Variants in SLC5A10 observed in about 807,000 individuals in gnomAD.
The protein encoded by SLC5A10 is solute carrier family 5 member 10.
In SLC5A10, 55 loss-of-function variants were observed where a neutral mutation model predicts 68.9. The ratio of observed to expected loss-of-function variants is 0.80; its 90% CI spans 0.64 to 1.00. The LOEUF is 1.00. SLC5A10 is among the 50% of genes least tolerant of loss of function. The pLI is 0.00. For synonymous variants in SLC5A10, 344 were observed against 344.8 expected, an observed-to-expected ratio of 1.00 and a Z score of 0.02; for missense variants, 732 against 819.3, an observed-to-expected ratio of 0.89 and a Z score of 1.30.
chr17:18,970,560 C>T, intron 7 of SLC5A10: 1 of 183,662 alleles, frequency 5.4e-6, no homozygotes, highest in Non-Finnish European at 1.2e-5. Context: ...TCACCACCAG[C>T]CACTCTCAGC....
rs1462113751 is a variant in SLC5A10 at position 19,003,509 on chromosome 17, C to A, written c.983-9901C>A. 1 of 1,520,706 alleles carries A rather than the reference C, an allele frequency of 6.6e-7. No homozygotes were observed. The highest frequency in any genetic ancestry group is 8.8e-7 in the Non-Finnish European group (1 of 1,133,308). 94.2% of individuals were successfully genotyped at this position (1,520,706 alleles called of 1,614,324 possible). On this transcript the variant is annotated intron_variant, in intron 9 of 14. Coordinates refer to ENST00000395645, the MANE Select transcript of SLC5A10 (RefSeq NM_001042450.4). The surrounding 1 kb of genome is among the most constrained non-coding windows in gnomAD (Gnocchi z 4.5). The stretch of plus-strand genomic sequence containing the variant: ...TGGGCCATGGCTCCAGGAGTCCCCG[C>A]GCTGCCTCACCTTCTGTGCCTGGCT...
chr17:19,000,164 G>A lies in SLC5A10; in HGVS notation c.983-13246G>A, dbSNP rs1215602817. 2.0e-5 allele frequency among the ~76,000 whole-genome samples: 3 copies of A among 152,234 alleles called. No individual in the cohort carries two copies. Among genetic ancestry groups the A allele is most frequent in the Admixed American group, 2.0e-4 (3 of 15,288 alleles). The stretch of plus-strand genomic sequence containing the variant: ...TTTCCCAGATAAATCATGGCTCCTG[G>A]GGCTAGGGGAGGGGCAGGCAGTTGA... On this transcript the variant is annotated intron_variant, in intron 9 of 14. Coordinates refer to ENST00000395645, the MANE Select transcript of SLC5A10 (RefSeq NM_001042450.4). The surrounding 1 kb of genome is among the most constrained non-coding windows in gnomAD (Gnocchi z 5.2).
chr17:18,952,561 A>G, intron 1 of SLC5A10: 1 of 437,484 alleles, frequency 2.3e-6, no homozygotes, highest in East Asian at 4.6e-5. Context: ...TCTAACAGGT[A>G]ACTGGGCTTT....
chr17:18,995,222 T>G (rs2043533492), intron 9 of SLC5A10, among the ~76,000 whole-genome samples: 1 of 152,102 alleles, frequency 6.6e-6, no homozygotes, highest in Admixed American at 6.6e-5. Flanking sequence ...AACTGGCAGA[T>G]AAAGACATAA....
At chr17:19,002,438 G>A (rs989397314) in intron 9 of SLC5A10, among the ~76,000 whole-genome samples, 1 of 152,196 alleles carries the variant, frequency 6.6e-6, no homozygotes, top group African/African-American at 2.4e-5. Flanking sequence ...ACTTCCCCAA[G>A]GCCCTGTCAG....
At chr17:18,979,724 C>G (rs1334159587) in intron 9 of SLC5A10, 1 of 1,606,194 alleles carries the variant, frequency 6.2e-7, no homozygotes, top group African/African-American at 1.3e-5. Flanking sequence ...CCTGACCACA[C>G]AGGGCGAGGG....
chr17:18,970,083 T>C (rs1368878455), intron 7 of SLC5A10: 1 of 152,262 alleles, frequency 6.6e-6, no homozygotes, highest in Admixed American at 6.5e-5. Context: ...ACTTGTTCAT[T>C]TGCTCTGAGC....
intron 9 of SLC5A10, among the ~76,000 whole-genome samples, chr17:18,984,724 G>T (rs1409521026): frequency 6.6e-6 from 1 of 152,234 alleles, no homozygotes; most frequent in East Asian, 1.9e-4. Flanking sequence ...GTTGGCCTGG[G>T]AGCATCCCTC....
intron 9 of SLC5A10, among the ~76,000 whole-genome samples, chr17:18,986,789 C>A (rs1174035057): frequency 2.0e-5 from 3 of 152,314 alleles, no homozygotes; most frequent in East Asian, 3.9e-4. Flanking sequence ...GGCAGGGGTA[C>A]GGTGCTGGTG....
At chr17:19,014,256 A>G (rs2044082822) in intron 10 of SLC5A10, among the ~76,000 whole-genome samples, 1 of 152,180 alleles carries the variant, frequency 6.6e-6, no homozygotes, top group Non-Finnish European at 1.5e-5. Context: ...GGAGGCGACC[A>G]GCCTGAAGCC....
chr17:18,971,385 C>T lies in SLC5A10; in HGVS notation c.846+167C>T. ...TAGGGGTCTTTGCGGTCCCGGGGGG[C>T]TTGAGCCCTCCGTTTAGAATCCGAT... is the stretch of plus-strand genomic sequence containing the variant. On this transcript the variant is annotated intron_variant, in intron 8 of 14. Coordinates refer to ENST00000395645, the MANE Select transcript of SLC5A10 (RefSeq NM_001042450.4). The surrounding 1 kb of genome is among the most constrained non-coding windows in gnomAD (Gnocchi z 5.5). The T allele has an allele frequency of 6.2e-7, 1 of 1,613,322 alleles. No homozygotes were observed. Among genetic ancestry groups the T allele is most frequent in the Non-Finnish European group, 8.5e-7 (1 of 1,179,844 alleles).
chr17:19,000,381 C>T lies in SLC5A10; in HGVS notation c.983-13029C>T, dbSNP rs2083565543. Among the ~76,000 whole-genome samples the T allele has an allele frequency of 6.6e-6, 1 of 152,134 alleles. No individual in the cohort carries two copies. The highest frequency in any genetic ancestry group is 1.5e-5 in the Non-Finnish European group (1 of 68,032). On this transcript the variant is annotated intron_variant, in intron 9 of 14. Coordinates refer to ENST00000395645, the MANE Select transcript of SLC5A10 (RefSeq NM_001042450.4). The surrounding 1 kb of genome is among the most constrained non-coding windows in gnomAD (Gnocchi z 5.2). ...GTTCCCATTTTACAGATGGGATGACCGGGGCTTGGAGAGGAGCTGGGGCTT... is the reference window on the plus strand; with the variant it reads ...GTTCCCATTTTACAGATGGGATGACTGGGGCTTGGAGAGGAGCTGGGGCTT...
At chr17:18,959,113 C>G (rs755437279) in intron 2 of SLC5A10, 22 bp from the exon 3 acceptor site, 1 of 1,599,674 alleles carries the variant, frequency 6.3e-7, no homozygotes, top group East Asian at 2.2e-5. Flanking sequence ...GCTGCTGATG[C>G]GTTTCCCTTT....
intron 8 of SLC5A10, among the ~76,000 whole-genome samples, chr17:18,975,436 T>C (rs941496264): frequency 1.3e-5 from 2 of 152,188 alleles, no homozygotes; most frequent in African/African-American, 4.8e-5. Context: ...ACACCTGTAA[T>C]CCCAGCACTT....
intron 9 of SLC5A10, among the ~76,000 whole-genome samples, chr17:18,990,416 T>G (rs1003076392): frequency 6.6e-6 from 1 of 152,070 alleles, no homozygotes; most frequent in East Asian, 1.9e-4. Context: ...TCTCCTTAGT[T>G]AAGCCACTTC....
At chr17:18,988,200 A>G (rs778232852) in intron 9 of SLC5A10, 4 of 1,591,312 alleles carry the variant, frequency 2.5e-6, no homozygotes, top group Non-Finnish European at 2.6e-6. Context: ...GACAGACTGA[A>G]TGACCCCTGC....
chr17:18,964,968 C>A (rs2042680897), intron 5 of SLC5A10, among the ~76,000 whole-genome samples: 1 of 151,974 alleles, frequency 6.6e-6, no homozygotes, highest in South Asian at 2.1e-4. Flanking sequence ...CATGGTTAAA[C>A]CCTGTTTCTA....
At chr17:19,012,357 G>A (rs570889808) in intron 9 of SLC5A10, among the ~76,000 whole-genome samples, 1 of 152,338 alleles carries the variant, frequency 6.6e-6, no homozygotes, top group African/African-American at 2.4e-5. Context: ...GGTTCAGTCG[G>A]GATCTGGCCT....
At chr17:19,011,812 T>C (rs573032171) in intron 9 of SLC5A10, among the ~76,000 whole-genome samples, 24 of 150,260 alleles carry the variant, frequency 1.6e-4, no homozygotes, top group African/African-American at 5.6e-4. Context: ...TAGGGGGGAC[T>C]GCCAGGGTAG....
Sources: allele counts gnomAD v4.1 joint callset (sites outside exome capture counted in the v4.1 genomes callset), GRCh38; gene constraint gnomAD v4.1.1; non-coding constraint Gnocchi (gnomAD v3.1); transcripts MANE v1.5; gene names NCBI Gene and HGNC (gene_info 2026-07-23, HGNC 2026-07-21).